The following MEAF6 variants were observed in gnomAD, a reference collection of about 807,000 sequenced individuals.
MEAF6 encodes the protein MYST/Esa1 associated factor 6, also known as chromatin modification-related protein MEAF6.
MEAF6 carries 15 observed loss-of-function variants against 28.9 expected under a neutral mutation model. That is an observed-to-expected ratio of 0.52 (90% CI 0.35 to 0.80). The LOEUF is 0.80. MEAF6 is among the 30% of genes least tolerant of loss of function. The probability of loss-of-function intolerance (pLI) is 0.01; values close to 1 mark genes in which losing one functional copy is unlikely to be tolerated. For synonymous variants in MEAF6, 97 were observed against 88.7 expected (o/e 1.09, Z -0.53); for missense variants, 178 against 237.5 (o/e 0.75, Z 1.65).
rs1303751099 is a variant in MEAF6, at chr1:37,492,030, A to C, written c.*2069T>G. On this transcript the variant is annotated 3_prime_UTR_variant, in exon 7 of 7. Transcript: ENST00000296214. ...GCAATCTCAAACTGTTAAGAGTCAA[A>C]AATATTTTTTTTTTTTGAGATGGAG... 7.0e-6 allele frequency among the ~76,000 whole-genome samples: 1 copy of C among 142,900 alleles called. No individual in the cohort carries two copies. Among genetic ancestry groups the C allele is most frequent in the African/African-American group, 2.5e-5 (1 of 40,266 alleles). 93.7% of individuals were successfully genotyped at this position (142,900 alleles called of 152,430 possible).
At position 37,492,266 on chromosome 1, in the gene MEAF6, G is replaced by A. The variant is rs1225885412; in HGVS notation, c.*1833C>T. Among the ~76,000 whole-genome samples the A allele has an allele frequency of 6.6e-6, 1 of 151,892 alleles. No individual in the cohort carries two copies. Among genetic ancestry groups the A allele is most frequent in the Non-Finnish European group, 1.5e-5 (1 of 67,996 alleles). On this transcript the variant is annotated 3_prime_UTR_variant, in exon 7 of 7. Transcript: ENST00000296214. The stretch of plus-strand genomic sequence containing the variant: ...GATGGTCTCGATCTCCTGACCTCGT[G>A]ATCCGCCCGCTTCGGCCTCCCAAAG...
intron 6 of MEAF6, among the ~76,000 whole-genome samples, chr1:37,494,805 T>C (rs914180564): frequency 6.6e-6 from 1 of 151,890 alleles, no homozygotes; most frequent in African/African-American, 2.4e-5. Flanking sequence ...CACTCTAGCC[T>C]GGGTGACAGA....
At chr1:37,513,122 G>A (rs1428484303) in intron 2 of MEAF6, among the ~76,000 whole-genome samples, 1 of 152,078 alleles carries the variant, frequency 6.6e-6, no homozygotes, top group African/African-American at 2.4e-5. Flanking sequence ...ATACTGTGAG[G>A]GTAGAACTCA....
chr1:37,496,556 G>T, intron 5 of MEAF6: 1 of 1,411,946 alleles, frequency 7.1e-7, no homozygotes, highest in Non-Finnish European at 9.3e-7. Context: ...CCTCCATCAC[G>T]TTTTTCTGTT....
Position 37,497,328 on chromosome 1 carries a change from T to C in MEAF6, c.534-1410A>G, listed in dbSNP as rs528514590. ...ATCTTGGCTCACTGCAAGCTCTGCC[T>C]CCCGGGTTCACGCCATTCTCCTGCC... On this transcript the variant is annotated intron_variant, in intron 5 of 6. Transcript: ENST00000296214. Among the ~76,000 whole-genome samples, 6 of 152,072 alleles carry C rather than the reference T, an allele frequency of 3.9e-5. No individual in the cohort carries two copies. The East Asian group carries it at 7.8e-4, about 20-fold the overall frequency.
chr1:37,494,672 A>T (rs545111632), intron 6 of MEAF6, among the ~76,000 whole-genome samples: 18 of 151,674 alleles, frequency 1.2e-4, no homozygotes, highest in Non-Finnish European at 2.5e-4. Context: ...CTCTACAAAA[A>T]ACACAAAAAT....
chr1:37,495,691 AAAAAACAAAAAACAAAAAAAAAAAAAAAC>A, intron 6 of MEAF6, among the ~76,000 whole-genome samples, 165 bp downstream of exon 6: 1 of 109,222 alleles, frequency 9.2e-6, no homozygotes, highest in Admixed American at 9.1e-5. Flanking sequence ...TCTCAAAAAA[AAAAAACAAAAAACAAAAAAAAAAAAAAAC>A]AAAAAAACCA....
chr1:37,513,560 C>T (rs1187878894), intron 1 of MEAF6, 22 bp from the exon 2 acceptor site: 5 of 1,537,874 alleles, frequency 3.3e-6, no homozygotes, highest in Non-Finnish European at 4.5e-6. Context: ...AAAACAAGGA[C>T]ATGAATGATA....
At chr1:37,512,982 G>C (rs952383084) in intron 2 of MEAF6, among the ~76,000 whole-genome samples, 1 of 152,006 alleles carries the variant, frequency 6.6e-6, no homozygotes, top group African/African-American at 2.4e-5. Flanking sequence ...CTGAGGTCAG[G>C]AGTTCGAGAC....
Position 37,491,539 on chromosome 1 carries a change from A to C in MEAF6, c.*2560T>G, listed in dbSNP as rs1467838667. Among the ~76,000 whole-genome samples, 1 of 152,108 alleles carries C rather than the reference A, an allele frequency of 6.6e-6. No homozygotes were observed. The highest frequency in any genetic ancestry group is 1.9e-4 in the East Asian group (1 of 5,198). On this transcript the variant is annotated 3_prime_UTR_variant, in exon 7 of 7. Coordinates refer to ENST00000296214, the MANE Select transcript of MEAF6 (RefSeq NM_001270875.3). ...CAAGAAGCCATCATTACAAAATAAAAATGTTTTAAATTAGCTGGGAATGGT... is the reference window on the plus strand; with the variant it reads ...CAAGAAGCCATCATTACAAAATAAACATGTTTTAAATTAGCTGGGAATGGT...
At position 37,508,274 on chromosome 1, in the gene MEAF6, C is replaced by CTT. The variant is rs577291632; in HGVS notation, c.340+1002_340+1003dup. On this transcript the variant is annotated intron_variant, in intron 4 of 6. Coordinates refer to ENST00000296214, the MANE Select transcript of MEAF6 (RefSeq NM_001270875.3). Reference sequence around the variant, plus strand: ...CATCCTATTTACAGGATGAGCATTTCTTTTTTTTTTTTTTTTTTTTTTTTT... The same window carrying CTT: ...CATCCTATTTACAGGATGAGCATTTCTTTTTTTTTTTTTTTTTTTTTTTTTTT... Among the ~76,000 whole-genome samples the CTT allele has an allele frequency of 7.2e-4, 60 of 83,908 alleles. 2 individuals carry two copies. Among genetic ancestry groups the CTT allele is most frequent in the Non-Finnish European group, 1.0e-3 (43 of 41,024 alleles). 55.0% of individuals were successfully genotyped at this position (83,908 alleles called of 152,430 possible).
chr1:37,490,493 T>C lies in MEAF6; in HGVS notation c.*3606A>G, dbSNP rs1641892583. ...GCACAATCCTGCTCTCTCCCCACAC[T>C]TCACATAAACCAGTATAGTCCCCCT... On this transcript the variant is annotated 3_prime_UTR_variant, in exon 7 of 7. Coordinates refer to ENST00000296214, the MANE Select transcript of MEAF6 (RefSeq NM_001270875.3). 6.6e-6 allele frequency among the ~76,000 whole-genome samples: 1 copy of C among 152,138 alleles called. No homozygotes were observed. Among genetic ancestry groups the C allele is most frequent in the Non-Finnish European group, 1.5e-5 (1 of 68,024 alleles).
intron 6 of MEAF6, among the ~76,000 whole-genome samples, chr1:37,495,285 T>C (rs1462204803): frequency 6.6e-6 from 1 of 151,326 alleles, no homozygotes. Flanking sequence ...GAGCCAAGAT[T>C]GCACCACTGC....
Position 37,495,911 on chromosome 1 carries a change from G to C in MEAF6, c.541C>G (p.Leu181Val), listed in dbSNP as rs1464742903. The change falls in exon 6 of 7, where the codon CTG (leucine) becomes GTG (valine). Residue 181 changes from leucine (L) to valine (V), a missense_variant. Transcript: ENST00000296214. ...GCTCGTGGTTTTTTGTTTAACTTCA[G>C]ATCAATCCTGTGACAGAAAAGATAA... ...RKNKNRHRIDLKLNKKPRADY is the reference protein window; with the variant it reads ...RKNKNRHRIDVKLNKKPRADY 1 of 1,613,662 alleles carries C rather than the reference G, an allele frequency of 6.2e-7. No individual in the cohort carries two copies. Among genetic ancestry groups the C allele is most frequent in the African/African-American group, 1.3e-5 (1 of 74,874 alleles).
chr1:37,504,189 T>A (rs1172791630), intron 4 of MEAF6, among the ~76,000 whole-genome samples: 1 of 152,164 alleles, frequency 6.6e-6, no homozygotes. Context: ...TCCTACTGCC[T>A]TGTGAAGAAG....
chr1:37,502,258 A>G (rs1642333224), intron 4 of MEAF6, among the ~76,000 whole-genome samples: 1 of 152,184 alleles, frequency 6.6e-6, no homozygotes, highest in Non-Finnish European at 1.5e-5. Flanking sequence ...TTGTTTTTAT[A>G]GAGATGAGAG....
chr1:37,500,684 G>A lies in MEAF6; in HGVS notation c.533+1120C>T, dbSNP rs540679733. ...GAACCAGCTGACGCCAATCAAGGAG[G>A]TTCAAATCAGGTAGAGTTAATCCTA... On this transcript the variant is annotated intron_variant, in intron 5 of 6. Transcript: ENST00000296214. 1.7e-3 allele frequency among the ~76,000 whole-genome samples: 257 copies of A among 152,266 alleles called. 1 individual carries two copies. The highest frequency in any genetic ancestry group is 7.3e-3 in the South Asian group (35 of 4,818).
At chr1:37,494,186 T>A in intron 6 of MEAF6, 79 bp from the exon 7 acceptor site, 2 of 1,207,036 alleles carry the variant, frequency 1.7e-6, no homozygotes, top group Non-Finnish European at 2.4e-6. Flanking sequence ...AAAAATCTCA[T>A]AAACAACTCT....
intron 4 of MEAF6, among the ~76,000 whole-genome samples, chr1:37,506,002 G>A (rs1458505946): frequency 1.3e-5 from 2 of 152,252 alleles, no homozygotes; most frequent in Admixed American, 1.3e-4. Flanking sequence ...GCCGGGCGCA[G>A]TGGCTCAAGC....
Sources: allele counts gnomAD v4.1 joint callset (sites outside exome capture counted in the v4.1 genomes callset), GRCh38; gene constraint gnomAD v4.1.1; transcripts MANE v1.5; gene names NCBI Gene and HGNC (gene_info 2026-07-23, HGNC 2026-07-21).